SYNE3: variants seen among roughly 807,000 people sequenced by gnomAD.
The protein encoded by SYNE3 is nesprin-3.
SYNE3 carries 100 observed loss-of-function variants against 111.2 expected under a neutral mutation model. The observed-to-expected ratio is 0.90, with a 90% confidence interval of 0.77 to 1.06. The LOEUF (loss-of-function observed/expected upper bound fraction) is 1.06, where lower values mean the gene tolerates loss of function less well. SYNE3 is among the 50% of genes least tolerant of loss of function. The pLI is 0.00. For missense variants in SYNE3, 1,160 were observed against 1,240.3 expected (o/e 0.94, Z 0.97); for synonymous variants, 547 against 533.9 (o/e 1.02, Z -0.34).
In SYNE3 at chr14:95,409,719, G is replaced by C. The variant is rs566766169; in HGVS notation, c.*8107C>G. 2.3e-5 allele frequency: 7 copies of C among 301,306 alleles called. No homozygotes were observed. The highest frequency in any genetic ancestry group is 4.5e-5 in the Non-Finnish European group (7 of 154,308). 18.7% of individuals were successfully genotyped at this position (301,306 alleles called of 1,614,324 possible). On this transcript the variant is annotated 3_prime_UTR_variant, in exon 18 of 18. Transcript: ENST00000682763. ...CTTGTTCTTACTTTGAAAAACAGAA[G>C]TCGTTTCTCTCATACACAGAAGCTA...
chr14:95,489,386 T>G lies in SYNE3; in HGVS notation c.-14-13551A>C, dbSNP rs936417469. On this transcript the variant is annotated intron_variant, in intron 1 of 17. Transcript: ENST00000682763. The stretch of plus-strand genomic sequence containing the variant: ...ATAAGGATTGAAAATCAACAACTTT[T>G]GAGTTCAGGGACCTGAATCCAGTCC... Among the ~76,000 whole-genome samples the G allele has an allele frequency of 3.9e-5, 6 of 152,364 alleles. 1 individual carries two copies. Among genetic ancestry groups the G allele is most frequent in the East Asian group, 3.9e-4 (2 of 5,186 alleles).
intron 1 of SYNE3, among the ~76,000 whole-genome samples, chr14:95,498,029 TAA>T (rs59849522): frequency 1.2e-4 from 16 of 135,212 alleles, no homozygotes; most frequent in South Asian, 2.3e-4. Flanking sequence ...TCCCAACTCT[TAA>T]AAAAAAAAAA....
chr14:95,428,363 A>G (rs533987122), intron 17 of SYNE3, among the ~76,000 whole-genome samples: 63 of 152,326 alleles, frequency 4.1e-4, no homozygotes, highest in African/African-American at 1.4e-3. Context: ...CAGTAAACCT[A>G]AATCTTCACT....
At chr14:95,501,092 C>T (rs529342401) in intron 1 of SYNE3, among the ~76,000 whole-genome samples, 4 of 152,350 alleles carry the variant, frequency 2.6e-5, no homozygotes, top group South Asian at 2.1e-4. Flanking sequence ...TGCCTTCTGC[C>T]TCCATAGAAT....
chr14:95,482,208 C>T (rs1053967644), intron 1 of SYNE3, among the ~76,000 whole-genome samples: 1 of 152,202 alleles, frequency 6.6e-6, no homozygotes, highest in East Asian at 1.9e-4. Flanking sequence ...TCAAGGCAGG[C>T]GGATCACCTG....
intron 1 of SYNE3, among the ~76,000 whole-genome samples, chr14:95,493,082 T>C (rs921701581): frequency 6.6e-6 from 1 of 152,124 alleles, no homozygotes; most frequent in Non-Finnish European, 1.5e-5. Flanking sequence ...ACTGCCTTCT[T>C]CAGGCAGCCT....
chr14:95,438,795 C>T (rs1015504073), intron 14 of SYNE3: 3 of 489,806 alleles, frequency 6.1e-6, no homozygotes, highest in African/African-American at 1.9e-5. Context: ...CTAAGGGATA[C>T]CCCTACTGCC....
Position 95,409,008 on chromosome 14 carries a change from A to T in SYNE3, c.*8818T>A, listed in dbSNP as rs1903359738. 2 of 383,310 alleles carry T rather than the reference A, an allele frequency of 5.2e-6. No homozygotes were observed. Among genetic ancestry groups the T allele is most frequent in the South Asian group, 3.8e-5 (2 of 52,174 alleles). 23.7% of individuals were successfully genotyped at this position (383,310 alleles called of 1,614,324 possible). A position where few individuals can be genotyped will look rare whatever the true frequency, so the allele number is the denominator to read the frequency against. ...GGTGGGAGTCAACGGACTTCCCCGCAGGAGTGGGCACAGGAGGAAAGCAGC... is the reference window on the plus strand; with the variant it reads ...GGTGGGAGTCAACGGACTTCCCCGCTGGAGTGGGCACAGGAGGAAAGCAGC... On this transcript the variant is annotated 3_prime_UTR_variant, in exon 18 of 18. Transcript: ENST00000682763.
rs761356467 is a variant in SYNE3, at chr14:95,439,961, C to G, written c.2026G>C (p.Gly676Arg). 7 of 1,613,990 alleles carry G rather than the reference C, an allele frequency of 4.3e-6. No individual in the cohort carries two copies. The South Asian group carries it at 7.7e-5, about 18-fold the overall frequency. ...VTTQKLEAHRGEAGPGDAESQ... is the reference protein window; with the variant it reads ...VTTQKLEAHRREAGPGDAESQ... ...TCGGCATCCCCCGGGCCCGCCTCTC[C>G]CCGGTGTGCCTCCAGCTTTTGCGTG... The change falls in exon 12 of 18, where the codon GGA becomes CGA. Residue 676 changes from glycine to arginine, a missense_variant. Coordinates refer to ENST00000682763, the MANE Select transcript of SYNE3 (RefSeq NM_152592.6).
chr14:95,472,897 G>A (rs1444274554), intron 2 of SYNE3, among the ~76,000 whole-genome samples: 1 of 152,058 alleles, frequency 6.6e-6, no homozygotes, highest in African/African-American at 2.4e-5. Context: ...ACATCCTCCC[G>A]GCTGCATGGC....
chr14:95,414,600 G>C lies in SYNE3; in HGVS notation c.*3226C>G, dbSNP rs1566950357. On this transcript the variant is annotated 3_prime_UTR_variant, in exon 18 of 18. Coordinates refer to ENST00000682763, the MANE Select transcript of SYNE3 (RefSeq NM_152592.6). ...GGCTAAGAAAGAAAGGGGTGGGAGG[G>C]ACAGGTAAGCAGGGATAACTAATTC... is the stretch of plus-strand genomic sequence containing the variant. 2 of 151,948 alleles carry C rather than the reference G, an allele frequency of 1.3e-5. No individual in the cohort carries two copies. Among genetic ancestry groups the C allele is most frequent in the Non-Finnish European group, 2.9e-5 (2 of 68,022 alleles). The allele number at this position is 151,948 out of a possible 1,614,324, so 9.4% of individuals were successfully genotyped here.
intron 17 of SYNE3, among the ~76,000 whole-genome samples, chr14:95,431,121 C>T (rs577584610): frequency 2.6e-5 from 4 of 152,352 alleles, no homozygotes; most frequent in African/African-American, 7.2e-5. Context: ...CGTGTCATTA[C>T]GGGCCAATGC....
Position 95,470,273 on chromosome 14 carries a change from G to T in SYNE3, c.145-2306C>A, listed in dbSNP as rs1409491643. ...CCAGGATGTTTCACACCACCCAGGG[G>T]CAGGGTTCCACAGCATGGCTGAGGA... is the stretch of plus-strand genomic sequence containing the variant. On this transcript the variant is annotated intron_variant, in intron 2 of 17. Coordinates refer to ENST00000682763, the MANE Select transcript of SYNE3 (RefSeq NM_152592.6). The surrounding 1 kb of genome is among the most constrained non-coding windows in gnomAD (Gnocchi z 4.2). Among the ~76,000 whole-genome samples the T allele has an allele frequency of 2.0e-5, 3 of 152,190 alleles. No homozygotes were observed.
chr14:95,429,433 C>A (rs1316039600), intron 17 of SYNE3, among the ~76,000 whole-genome samples: 1 of 152,228 alleles, frequency 6.6e-6, no homozygotes, highest in East Asian at 1.9e-4. Context: ...CCAGCAGCAG[C>A]ATCACCTGGG....
Position 95,446,108 on chromosome 14 carries a change from T to G in SYNE3, c.1450-17A>C, listed in dbSNP as rs766699084. On this transcript the variant is annotated splice_polypyrimidine_tract_variant and intron_variant, in intron 8 of 17. Coordinates refer to ENST00000682763, the MANE Select transcript of SYNE3 (RefSeq NM_152592.6). The stretch of plus-strand genomic sequence containing the variant: ...CAGGGCTGCCTGTGGGAGACAAGGC[T>G]TCCGTGAACCACAGACCGGGCAGGA... 6.2e-7 allele frequency: 1 copy of G among 1,613,456 alleles called. No individual in the cohort carries two copies. The highest frequency in any genetic ancestry group is 1.7e-5 in the Admixed American group (1 of 60,024).
At chr14:95,493,211 T>C (rs1397757413) in intron 1 of SYNE3, among the ~76,000 whole-genome samples, 3 of 152,204 alleles carry the variant, frequency 2.0e-5, no homozygotes, top group Non-Finnish European at 4.4e-5. Context: ...GAGACCTTTT[T>C]TTCCAAATGG....
At chr14:95,511,479 T>TCC (rs1890719636) in intron 1 of SYNE3, among the ~76,000 whole-genome samples, 1 of 152,036 alleles carries the variant, frequency 6.6e-6, no homozygotes, top group African/African-American at 2.4e-5. Context: ...GGTGGGTGGA[T>TCC]CACGAGGTCA....
At chr14:95,494,716 G>C (rs1232533321) in intron 1 of SYNE3, among the ~76,000 whole-genome samples, 1 of 152,166 alleles carries the variant, frequency 6.6e-6, no homozygotes, top group African/African-American at 2.4e-5. Context: ...GACCAAGCAG[G>C]GCCCTTGCAA....
chr14:95,499,688 G>A (rs1024250258), intron 1 of SYNE3, among the ~76,000 whole-genome samples: 1 of 151,972 alleles, frequency 6.6e-6, no homozygotes, highest in African/African-American at 2.4e-5. Context: ...ATTCAAAGTG[G>A]CTAAGTAACC....
Sources: gnomAD v4.1 joint callset for allele counts (sites outside exome capture counted in the v4.1 genomes callset) on GRCh38, gnomAD v4.1.1 for gene constraint, Gnocchi (gnomAD v3.1) non-coding constraint, MANE v1.5 for transcripts, NCBI Gene and HGNC (gene_info 2026-07-23, HGNC 2026-07-21) for gene names.